The following CHSY1 variants were observed in gnomAD, a reference collection of about 807,000 sequenced individuals.
The protein encoded by CHSY1 is N-acetylgalactosaminyl-proteoglycan 3-beta-glucuronosyltransferase 1.
CHSY1 carries 13 observed loss-of-function variants against 59.8 expected under a neutral mutation model. The observed-to-expected ratio is 0.22, with a 90% CI of 0.14 to 0.35. The LOEUF is 0.35. CHSY1 is among the 10% of genes least tolerant of loss of function. CHSY1 has a pLI of 1.00. For synonymous variants in CHSY1, 459 were observed against 401.2 expected (o/e 1.14, Z -1.72); for missense variants, 947 against 1,030.6 (o/e 0.92, Z 1.11).
chr15:101,205,969 A>G (rs908100398), intron 2 of CHSY1, among the ~76,000 whole-genome samples: 4 of 151,866 alleles, frequency 2.6e-5, no homozygotes, highest in Non-Finnish European at 5.9e-5. Context: ...AAAAAAGAAG[A>G]TTGTTTATTA....
In CHSY1 at chr15:101,181,607, A is replaced by C. The variant is rs116116156; in HGVS notation, c.817-2627T>G. Among the ~76,000 whole-genome samples, 295 of 152,318 alleles carry C rather than the reference A, an allele frequency of 1.9e-3. 1 individual carries two copies. The highest frequency in any genetic ancestry group is 6.5e-3 in the African/African-American group (270 of 41,580). On this transcript the variant is annotated intron_variant, in intron 2 of 2. Transcript: ENST00000254190. ...CTTCTCTCTCCAGCCCCACTGGGTC[A>C]TGCCACAGGTTCCCCATGGGTCTGC... is the stretch of plus-strand genomic sequence containing the variant.
rs368009047 is a variant in CHSY1, at chr15:101,235,188, G to A, written c.710C>T (p.Pro237Leu). 24 of 1,613,790 alleles carry A rather than the reference G, an allele frequency of 1.5e-5. No individual in the cohort carries two copies. The highest frequency in any genetic ancestry group is 1.9e-5 in the Non-Finnish European group (23 of 1,179,918). ...CTCCCGGAGACACTTGCCAATGTGC[G>A]GCACCATTCTCCGAAGCACCTCCCG... ...MSREVLRRMV[P>L]HIGKCLREMY... is the part of the protein sequence containing the mutation. Residue 237 changes from proline (P) to leucine (L), a missense_variant, in exon 2 of 3, where the codon CCG becomes CTG. Physicochemically the swap from Pro to Leu is moderately conservative, Grantham distance 98. Around this residue, in one of 4 missense-constraint regions of CHSY1, gnomAD observed 108 missense variants for 144.4 expected, o/e 0.75. Coordinates refer to ENST00000254190, the MANE Select transcript of CHSY1 (RefSeq NM_014918.5).
chr15:101,180,250 G>C (rs2038258776), intron 2 of CHSY1, among the ~76,000 whole-genome samples: 1 of 152,210 alleles, frequency 6.6e-6, no homozygotes, highest in Non-Finnish European at 1.5e-5. Context: ...CACAGAGCTG[G>C]GGTCTGATGA....
intron 1 of CHSY1, among the ~76,000 whole-genome samples, chr15:101,236,880 C>T (rs1476723293): frequency 2.0e-5 from 3 of 151,706 alleles, no homozygotes; most frequent in Non-Finnish European, 4.4e-5. Flanking sequence ...TTATAAATTA[C>T]CTATTTTGGT....
chr15:101,218,937 C>T (rs1045043211), intron 2 of CHSY1, among the ~76,000 whole-genome samples: 1 of 152,114 alleles, frequency 6.6e-6, no homozygotes, highest in Non-Finnish European at 1.5e-5. Flanking sequence ...GCGGTATTTA[C>T]AATAAAAAGG....
At chr15:101,236,930 GC>G (rs1270867179) in intron 1 of CHSY1, among the ~76,000 whole-genome samples, 1 of 151,654 alleles carries the variant, frequency 6.6e-6, no homozygotes, top group African/African-American at 2.4e-5. Context: ...TAATATAGAG[GC>G]AAATGTGGCC....
At chr15:101,216,390 A>G (rs918759018) in intron 2 of CHSY1, among the ~76,000 whole-genome samples, 4 of 152,258 alleles carry the variant, frequency 2.6e-5, no homozygotes, top group African/African-American at 9.6e-5. Context: ...TCATACTCCT[A>G]GATATTTACC....
chr15:101,195,698 G>A (rs779398289), intron 2 of CHSY1, among the ~76,000 whole-genome samples: 2 of 152,042 alleles, frequency 1.3e-5, no homozygotes, highest in East Asian at 1.9e-4. Context: ...GGTGGCGGGT[G>A]CCTGTAGTCC....
intron 1 of CHSY1, among the ~76,000 whole-genome samples, chr15:101,242,941 G>A (rs1225042181): frequency 6.6e-6 from 1 of 152,180 alleles, no homozygotes; most frequent in Non-Finnish European, 1.5e-5. Flanking sequence ...ATGTAACAGA[G>A]GCTGTGAATG....
In CHSY1 at chr15:101,251,322, G is replaced by C. The variant is rs921119348; in HGVS notation, c.135C>G (p.Pro45=). ...CCGCCTGCCCGGACCGGCAGCCCTC[G>C]GGGCTGGCGCGGCGCCGTGGGCCCG... is the stretch of plus-strand genomic sequence containing the variant. ...KRAGPRRRAS[P]EGCRSGQAAA... The change falls in exon 1 of 3, where the codon CCC becomes CCG. Residue 45 remains proline (P), a synonymous_variant. Transcript: ENST00000254190. The C allele has an allele frequency of 1.8e-6, 2 of 1,115,060 alleles. No homozygotes were observed. Among genetic ancestry groups the C allele is most frequent in the Non-Finnish European group, 1.1e-6 (1 of 910,184 alleles). 69.1% of individuals were successfully genotyped at this position (1,115,060 alleles called of 1,614,324 possible).
chr15:101,217,509 G>C (rs1046981924), intron 2 of CHSY1, among the ~76,000 whole-genome samples: 1 of 152,140 alleles, frequency 6.6e-6, no homozygotes, highest in Non-Finnish European at 1.5e-5. Context: ...TCGATTCCTT[G>C]AAGAAATGGC....
chr15:101,245,573 G>C (rs1335346501), intron 1 of CHSY1, among the ~76,000 whole-genome samples: 2 of 152,216 alleles, frequency 1.3e-5, no homozygotes, highest in Non-Finnish European at 2.9e-5. Flanking sequence ...ATAAAGAGCA[G>C]CTTAGTTAAC....
chr15:101,251,368 C>A lies in CHSY1; in HGVS notation c.89G>T (p.Arg30Leu). Residue 30 changes from arginine to leucine, a missense_variant, in exon 1 of 3, where the codon CGG becomes CTG. By Grantham distance (102) the Arg-to-Leu change is moderately radical. Coordinates refer to ENST00000254190, the MANE Select transcript of CHSY1 (RefSeq NM_014918.5). ...FVLASRLVLP[R>L]ASELKRAGPR... ...GCCCGCTCGCTTCAGCTCGGAAGCC[C>A]GGGGCAGGACGAGCCGCGAGGCCAG... is the stretch of plus-strand genomic sequence containing the variant. 1 of 1,157,964 alleles carries A rather than the reference C, an allele frequency of 8.6e-7. No individual in the cohort carries two copies. The highest frequency in any genetic ancestry group is 1.1e-6 in the Non-Finnish European group (1 of 922,170). The allele number at this position is 1,157,964 out of a possible 1,614,324, so 71.7% of individuals were successfully genotyped here. A position where few individuals can be genotyped will look rare whatever the true frequency, so the allele number is the denominator to read the frequency against.
chr15:101,217,994 C>T (rs1030458909), intron 2 of CHSY1, among the ~76,000 whole-genome samples: 2 of 152,196 alleles, frequency 1.3e-5, no homozygotes, highest in Non-Finnish European at 1.5e-5. Context: ...GCTGACGGTA[C>T]GTACCCTTGA....
Position 101,177,766 on chromosome 15 carries a change from G to T in CHSY1, c.2031C>A (p.Asn677Lys). 1 of 1,614,194 alleles carries T rather than the reference G, an allele frequency of 6.2e-7. No homozygotes were observed. Among genetic ancestry groups the T allele is most frequent in the South Asian group, 1.1e-5 (1 of 91,078 alleles). Residue 677 changes from asparagine (N) to lysine (K), a missense_variant, in exon 3 of 3, where the codon AAC (asparagine) becomes AAA (lysine). Physicochemically the swap from Asn to Lys is moderately conservative, Grantham distance 94. Around this residue, in one of 4 missense-constraint regions of CHSY1, gnomAD observed 602 missense variants for 676.9 expected, o/e 0.89. Transcript: ENST00000254190. ...IVYSGKVPSDNHFAFTQKTGF... is the reference protein window; with the variant it reads ...IVYSGKVPSDKHFAFTQKTGF... ...CAGTTTTCTGAGTAAAGGCAAAATGGTTGTCACTGGGAACTTTCCCACTAT... is the reference window on the plus strand; with the variant it reads ...CAGTTTTCTGAGTAAAGGCAAAATGTTTGTCACTGGGAACTTTCCCACTAT...
intron 1 of CHSY1, among the ~76,000 whole-genome samples, chr15:101,244,553 T>A (rs1238825366): frequency 6.6e-6 from 1 of 152,184 alleles, no homozygotes; most frequent in South Asian, 2.1e-4. Context: ...AAATAACTGC[T>A]TACTGTAGAA....
intron 2 of CHSY1, chr15:101,189,465 C>T (rs1459752699): frequency 5.1e-6 from 5 of 985,502 alleles, no homozygotes; most frequent in Non-Finnish European, 4.8e-6. Flanking sequence ...GGATGGAGCT[C>T]GGGGGGACCA....
chr15:101,192,661 T>C (rs1207296877), intron 2 of CHSY1, among the ~76,000 whole-genome samples: 2 of 149,170 alleles, frequency 1.3e-5, no homozygotes, highest in Admixed American at 1.3e-4. Context: ...TCTAAACGCC[T>C]CCCTCGTGGC....
intron 2 of CHSY1, among the ~76,000 whole-genome samples, chr15:101,234,504 T>A (rs569803389): frequency 2.0e-5 from 3 of 152,350 alleles, no homozygotes; most frequent in South Asian, 2.1e-4. Context: ...AATATCACCA[T>A]GACCATCAGC....
Sources: gnomAD v4.1 joint callset for allele counts (sites outside exome capture counted in the v4.1 genomes callset) on GRCh38, gnomAD v4.1.1 for gene constraint, gnomAD v4.1.1 regional missense constraint, MANE v1.5 for transcripts, NCBI Gene and HGNC (gene_info 2026-07-23, HGNC 2026-07-21) for gene names.